NEDD4L: variants seen among roughly 807,000 people sequenced by gnomAD.
The protein encoded by NEDD4L is NEDD4 like E3 ubiquitin protein ligase, also known as E3 ubiquitin-protein ligase NEDD4-like.
A neutral mutation model predicts 148.9 loss-of-function variants in NEDD4L; 54 were observed. That is an observed-to-expected ratio of 0.36 (90% CI 0.29 to 0.45). The LOEUF (loss-of-function observed/expected upper bound fraction) is 0.45. Among genes scored for constraint, NEDD4L ranks in the 20% least tolerant of loss-of-function variants. NEDD4L has a pLI of 1.00. For missense variants in NEDD4L, 856 were observed against 1,233.8 expected, an observed-to-expected ratio of 0.69 and a Z score of 4.59; for synonymous variants, 433 against 440.7, an observed-to-expected ratio of 0.98 and a Z score of 0.22.
intron 1 of NEDD4L, among the ~76,000 whole-genome samples, chr18:58,165,222 G>A (rs2036698313): frequency 6.6e-6 from 1 of 152,208 alleles, no homozygotes; most frequent in South Asian, 2.1e-4. Context: ...CAAATGAACA[G>A]TTGATTGATT....
intron 5 of NEDD4L, among the ~76,000 whole-genome samples, chr18:58,259,003 A>C (rs1336425656): frequency 1.3e-5 from 2 of 152,210 alleles, no homozygotes; most frequent in Non-Finnish European, 2.9e-5. Context: ...GTTTACATGA[A>C]AAATTAGCTA....
At chr18:58,052,668 TA>T (rs1412570166) in intron 1 of NEDD4L, among the ~76,000 whole-genome samples, 4 of 149,476 alleles carry the variant, frequency 2.7e-5, no homozygotes, top group Non-Finnish European at 4.4e-5. Context: ...TTTTTAAGTT[TA>T]AAAAGCTATG....
chr18:58,335,633 G>C (rs2041648550), intron 13 of NEDD4L, 96 bp downstream of exon 13: 2 of 934,402 alleles, frequency 2.1e-6, no homozygotes, highest in African/African-American at 3.2e-5. Context: ...TTAAAAATAA[G>C]ATTAGCTCCT....
chr18:58,184,927 CA>C (rs1001191802), intron 2 of NEDD4L, among the ~76,000 whole-genome samples: 134 of 139,994 alleles, frequency 9.6e-4, no homozygotes, highest in Admixed American at 1.3e-3. Flanking sequence ...GACTCCATCT[CA>C]AAAAAAAAAA....
chr18:58,129,765 G>A (rs554795592), intron 1 of NEDD4L, among the ~76,000 whole-genome samples: 2 of 151,594 alleles, frequency 1.3e-5, no homozygotes, highest in South Asian at 4.2e-4. Flanking sequence ...GCTCTGTTGG[G>A]GTTTGGTTGT....
chr18:58,357,356 T>C lies in NEDD4L; in HGVS notation c.1767+104T>C, dbSNP rs184030317. 140 of 1,020,806 alleles carry C rather than the reference T, an allele frequency of 1.4e-4. No homozygotes were observed. The African/African-American group carries it at 2.2e-3, about 16-fold the overall frequency. 63.2% of individuals were successfully genotyped at this position (1,020,806 alleles called of 1,614,324 possible). On this transcript the variant is annotated intron_variant, in intron 19 of 30. Coordinates refer to ENST00000400345, the MANE Select transcript of NEDD4L (RefSeq NM_001144967.3). The stretch of plus-strand genomic sequence containing the variant: ...CGGTGATGTCAAGGGACAACGGTGA[T>C]TGAGTAGTTGACTAGAAACAGAGCA...
intron 1 of NEDD4L, among the ~76,000 whole-genome samples, chr18:58,049,793 G>A (rs777248959): frequency 4.6e-5 from 7 of 151,780 alleles, no homozygotes; most frequent in Admixed American, 1.3e-4. Flanking sequence ...GCTGGGCAAC[G>A]TGGTGAAACC....
chr18:58,311,815 G>A (rs1335391079), intron 5 of NEDD4L, among the ~76,000 whole-genome samples: 6 of 152,222 alleles, frequency 3.9e-5, no homozygotes, highest in Non-Finnish European at 8.8e-5. Flanking sequence ...AGTGCTGACA[G>A]ATTTGACCTA....
At chr18:58,137,670 T>C (rs1207344907) in intron 1 of NEDD4L, among the ~76,000 whole-genome samples, 1 of 152,230 alleles carries the variant, frequency 6.6e-6, no homozygotes, top group African/African-American at 2.4e-5. Flanking sequence ...GCTTGAATTT[T>C]CAAACTTGAT....
chr18:58,321,825 T>C (rs8087052), intron 6 of NEDD4L, among the ~76,000 whole-genome samples: 81,786 of 152,044 alleles, frequency 0.54, 22,778 homozygotes, highest in African/African-American at 0.69. Flanking sequence ...AACTTCACAA[T>C]GAACTTCACA....
At chr18:58,055,653 G>C (rs1238233212) in intron 1 of NEDD4L, among the ~76,000 whole-genome samples, 2 of 152,208 alleles carry the variant, frequency 1.3e-5, no homozygotes, top group Admixed American at 6.5e-5. Context: ...TTGGGAGTTG[G>C]AGAGATAGAG....
chr18:58,056,549 G>A (rs899230529), intron 1 of NEDD4L, among the ~76,000 whole-genome samples: 3 of 152,010 alleles, frequency 2.0e-5, no homozygotes, highest in Non-Finnish European at 4.4e-5. Flanking sequence ...TTGGTCCTAG[G>A]CTGGCTGCCA....
chr18:58,165,656 C>G (rs1357826378), intron 1 of NEDD4L, 132 bp from the exon 2 acceptor site: 2 of 1,529,974 alleles, frequency 1.3e-6, no homozygotes, highest in Non-Finnish European at 1.8e-6. Flanking sequence ...GGAAGAATTG[C>G]TTATGCTCGA....
intron 1 of NEDD4L, among the ~76,000 whole-genome samples, chr18:58,087,657 C>T (rs1423756398): frequency 2.0e-5 from 3 of 151,996 alleles, no homozygotes; most frequent in African/African-American, 7.2e-5. Flanking sequence ...GGCGGATCAC[C>T]TGAGGTTGGG....
chr18:58,248,819 C>A, intron 3 of NEDD4L, 80 bp from the exon 4 acceptor site: 1 of 705,444 alleles, frequency 1.4e-6, no homozygotes, highest in Non-Finnish European at 2.4e-6. Context: ...AATGTTTAAG[C>A]AAATATGTAG....
At chr18:58,278,688 G>A (rs1050371598) in intron 5 of NEDD4L, among the ~76,000 whole-genome samples, 2 of 151,958 alleles carry the variant, frequency 1.3e-5, no homozygotes, top group Non-Finnish European at 2.9e-5. Context: ...AGTCCCTCAT[G>A]TACAGGCCTT....
chr18:58,237,221 C>T (rs80335009), intron 2 of NEDD4L, among the ~76,000 whole-genome samples: 2,051 of 152,130 alleles, frequency 0.013, 47 homozygotes, highest in African/African-American at 0.047. Flanking sequence ...CTCTATTCCC[C>T]GCCCCCCACT....
intron 5 of NEDD4L, among the ~76,000 whole-genome samples, chr18:58,314,786 G>A (rs769598489): frequency 1.3e-5 from 2 of 152,210 alleles, no homozygotes; most frequent in Non-Finnish European, 1.5e-5. Flanking sequence ...AGAATGGATT[G>A]TTTAGAGGAG....
At chr18:58,170,076 A>G (rs1463942566) in intron 2 of NEDD4L, among the ~76,000 whole-genome samples, 1 of 152,182 alleles carries the variant, frequency 6.6e-6, no homozygotes, top group African/African-American at 2.4e-5. Context: ...AACAGATTGC[A>G]TGAAGTGAGC....
Sources: gnomAD v4.1 joint callset for allele counts (sites outside exome capture counted in the v4.1 genomes callset) on GRCh38, gnomAD v4.1.1 for gene constraint, MANE v1.5 for transcripts, NCBI Gene and HGNC (gene_info 2026-07-23, HGNC 2026-07-21) for gene names.